The following RORA variants were observed in gnomAD, a reference collection of about 807,000 sequenced individuals.
RORA encodes the protein RAR related orphan receptor A, also known as nuclear receptor ROR-alpha.
Under a neutral mutation model 69.5 loss-of-function variants are expected in RORA, and 7 were observed. The ratio of observed to expected loss-of-function variants is 0.10; its 90% confidence interval spans 0.06 to 0.19. The LOEUF (loss-of-function observed/expected upper bound fraction) is 0.19. Among genes scored for constraint, RORA ranks in the 10% least tolerant of loss-of-function variants. The probability of loss-of-function intolerance (pLI) is 1.00; values close to 1 mark genes in which losing one functional copy is unlikely to be tolerated. For missense variants in RORA, 457 were observed against 663.0 expected, an observed-to-expected ratio of 0.69 and a Z score of 3.41; for synonymous variants, 261 against 240.8, an observed-to-expected ratio of 1.08 and a Z score of -0.78.
intron 1 of RORA, among the ~76,000 whole-genome samples, chr15:60,702,483 C>T (rs889773793): frequency 3.3e-5 from 5 of 152,164 alleles, no homozygotes; most frequent in African/African-American, 1.2e-4. Flanking sequence ...CCGCCCGCCT[C>T]GGCCTCCCAA....
chr15:61,194,275 A>T (rs997106334), intron 1 of RORA: 1 of 152,148 alleles, frequency 6.6e-6, no homozygotes, highest in Non-Finnish European at 1.5e-5. Flanking sequence ...AATCTGTAAC[A>T]CAGGCCGGGC....
intron 2 of RORA, among the ~76,000 whole-genome samples, chr15:60,535,928 C>G (rs2066663018): frequency 6.6e-6 from 1 of 152,154 alleles, no homozygotes; most frequent in African/African-American, 2.4e-5. Flanking sequence ...TAAGCAATCA[C>G]TAACCAGGGC....
intron 2 of RORA, among the ~76,000 whole-genome samples, chr15:60,605,900 A>C (rs2068935022): frequency 6.6e-6 from 1 of 152,192 alleles, no homozygotes. Context: ...GCCGACAGAC[A>C]TCCTCCAAGT....
chr15:60,713,001 A>C (rs2071164879), intron 1 of RORA, among the ~76,000 whole-genome samples: 1 of 152,150 alleles, frequency 6.6e-6, no homozygotes, highest in Non-Finnish European at 1.5e-5. Flanking sequence ...AAAAAAAAAC[A>C]ACAATTTAGG....
Position 61,166,166 on chromosome 15 carries a change from T to A in RORA, c.166+62887A>T, listed in dbSNP as rs542841857. Among the ~76,000 whole-genome samples, 285 of 151,810 alleles carry A rather than the reference T, an allele frequency of 1.9e-3. 2 individuals carry two copies. Among genetic ancestry groups the A allele is most frequent in the African/African-American group, 6.4e-3 (265 of 41,458 alleles). On this transcript the variant is annotated intron_variant, in intron 1 of 10. Coordinates refer to ENST00000335670, the MANE Select transcript of RORA (RefSeq NM_134261.3). ...TGATGCCATCTTTCACTTTTTTTTT[T>A]AAAAGACTGAAACATTTCAAGAACT... is the stretch of plus-strand genomic sequence containing the variant.
intron 1 of RORA, among the ~76,000 whole-genome samples, chr15:60,970,644 A>G (rs1336009753): frequency 6.6e-6 from 1 of 152,182 alleles, no homozygotes; most frequent in African/African-American, 2.4e-5. Context: ...AAATGAGTAA[A>G]TCATAGGATT....
intron 1 of RORA, among the ~76,000 whole-genome samples, chr15:60,890,687 A>C (rs1175476562): frequency 6.6e-6 from 1 of 152,220 alleles, no homozygotes; most frequent in Non-Finnish European, 1.5e-5. Flanking sequence ...CATTGCAGTA[A>C]TCCTGGATTA....
intron 1 of RORA, among the ~76,000 whole-genome samples, chr15:61,136,128 A>AG (rs772474286): frequency 1.3e-5 from 2 of 152,166 alleles, no homozygotes; most frequent in Non-Finnish European, 2.9e-5. Flanking sequence ...TCTTCTTGAA[A>AG]GGGGGTGGAA....
At chr15:61,154,589 G>A (rs2079426477) in intron 1 of RORA, among the ~76,000 whole-genome samples, 1 of 152,146 alleles carries the variant, frequency 6.6e-6, no homozygotes, top group Non-Finnish European at 1.5e-5. Flanking sequence ...TTGTTGCTAA[G>A]AGTAGTACAA....
At chr15:60,926,602 G>C (rs771634771) in intron 1 of RORA, among the ~76,000 whole-genome samples, 6 of 152,236 alleles carry the variant, frequency 3.9e-5, no homozygotes, top group Non-Finnish European at 8.8e-5. Flanking sequence ...TGCCTCTGCA[G>C]CTTCATTTCT....
At chr15:60,515,987 A>C (rs1161548157) in intron 3 of RORA, among the ~76,000 whole-genome samples, 2 of 6,924 alleles carry the variant, frequency 2.9e-4, no homozygotes, top group African/African-American at 8.5e-4. Context: ...ATATTTATAT[A>C]TATTTATATA....
chr15:60,755,188 T>C (rs1443124903), intron 1 of RORA, among the ~76,000 whole-genome samples: 1 of 134,200 alleles, frequency 7.5e-6, no homozygotes, highest in Non-Finnish European at 1.5e-5. Flanking sequence ...CCTGTGTCCA[T>C]GTGTTCTCAT....
At chr15:61,193,291 T>C (rs1039526919) in intron 1 of RORA, among the ~76,000 whole-genome samples, 11 of 152,210 alleles carry the variant, frequency 7.2e-5, no homozygotes, top group Non-Finnish European at 7.3e-5. Flanking sequence ...TCCACAAGAA[T>C]AGGCACAAGA....
At chr15:61,148,867 G>A (rs1378314362) in intron 1 of RORA, among the ~76,000 whole-genome samples, 2 of 152,184 alleles carry the variant, frequency 1.3e-5, no homozygotes, top group East Asian at 3.9e-4. Context: ...AGGTATGAAA[G>A]TTGATTAACC....
chr15:60,895,825 C>T (rs11071567), intron 1 of RORA, among the ~76,000 whole-genome samples: 100,569 of 152,054 alleles, frequency 0.66, 34,592 homozygotes, highest in South Asian at 0.81. Context: ...CCTTGTTCCA[C>T]TTTTGGTCTC....
chr15:61,139,011 G>T (rs543739527), intron 1 of RORA, among the ~76,000 whole-genome samples: 2 of 151,942 alleles, frequency 1.3e-5, no homozygotes, highest in South Asian at 2.1e-4. Flanking sequence ...AGGCGTGGTG[G>T]CGGGCGCCTG....
intron 1 of RORA, among the ~76,000 whole-genome samples, chr15:61,090,854 C>G (rs1027196304): frequency 2.0e-4 from 31 of 152,036 alleles, no homozygotes; most frequent in Admixed American, 2.6e-4. Flanking sequence ...TTTGTCACCC[C>G]CAAAACGCCC....
chr15:60,651,722 T>C (rs950937448), intron 2 of RORA, among the ~76,000 whole-genome samples: 11 of 152,154 alleles, frequency 7.2e-5, no homozygotes, highest in African/African-American at 2.7e-4. Flanking sequence ...GCCCCAGTCT[T>C]TTTAAAAGTT....
chr15:60,970,070 C>G (rs1893669682), intron 1 of RORA, among the ~76,000 whole-genome samples: 1 of 152,176 alleles, frequency 6.6e-6, no homozygotes, highest in Non-Finnish European at 1.5e-5. Flanking sequence ...AGCACACAGC[C>G]AGACGGCAGC....
Sources: allele counts gnomAD v4.1 joint callset (sites outside exome capture counted in the v4.1 genomes callset), GRCh38; gene constraint gnomAD v4.1.1; transcripts MANE v1.5; gene names NCBI Gene and HGNC (gene_info 2026-07-23, HGNC 2026-07-21).